Variants in PTPRD observed in about 807,000 individuals in gnomAD.
PTPRD encodes the protein protein tyrosine phosphatase receptor type D, also known as receptor-type tyrosine-protein phosphatase delta.
A neutral mutation model predicts 214.5 loss-of-function variants in PTPRD; 34 were observed. That is an observed-to-expected ratio of 0.16 (90% confidence interval 0.12 to 0.21). PTPRD has a LOEUF of 0.21. PTPRD is among the 10% of genes least tolerant of loss of function. PTPRD has a pLI of 1.00. For missense variants in PTPRD, 2,545 were observed against 2,398.7 expected (o/e 1.06, Z -1.27); for synonymous variants, 1,128 against 845.7 (o/e 1.33, Z -5.79).
intron 5 of PTPRD, among the ~76,000 whole-genome samples, chr9:9,880,242 G>A (rs2153735452): frequency 6.6e-6 from 1 of 152,210 alleles, no homozygotes; most frequent in African/African-American, 2.4e-5. Flanking sequence ...TAAGTTTCCT[G>A]AGGCCTCCTC....
intron 9 of PTPRD, among the ~76,000 whole-genome samples, chr9:9,354,114 C>A (rs757067858): frequency 2.0e-4 from 31 of 151,730 alleles, no homozygotes; most frequent in Non-Finnish European, 4.0e-4. Flanking sequence ...AATCCCCCCA[C>A]ACTTCAACTC....
At chr9:9,450,226 C>G (rs549509582) in intron 8 of PTPRD, among the ~76,000 whole-genome samples, 1 of 151,730 alleles carries the variant, frequency 6.6e-6, no homozygotes, top group African/African-American at 2.4e-5. Context: ...TGCTATAAAC[C>G]TGCATGTGCA....
chr9:8,905,004 C>T (rs909222665), intron 11 of PTPRD, among the ~76,000 whole-genome samples: 2 of 151,876 alleles, frequency 1.3e-5, no homozygotes, highest in East Asian at 3.9e-4. Flanking sequence ...GAAAATAAGG[C>T]CAGAGTTAGA....
Position 8,317,605 on chromosome 9 carries a change from T to C in PTPRD, c.*269A>G, listed in dbSNP as rs148195513. 192 of 330,722 alleles carry C rather than the reference T, an allele frequency of 5.8e-4. 1 individual carries two copies. The highest frequency in any genetic ancestry group is 3.7e-3 in the African/African-American group (180 of 49,144). 20.5% of individuals were successfully genotyped at this position (330,722 alleles called of 1,614,324 possible). On this transcript the variant is annotated 3_prime_UTR_variant, in exon 46 of 46. Transcript: ENST00000381196. ...GCTGTGATTTCTTCTTCCCTTGATT[T>C]TGAATCCTTGAGGTATCTGTAAATA...
At chr9:8,345,316 C>T (rs1267131410) in intron 39 of PTPRD, among the ~76,000 whole-genome samples, 1 of 152,074 alleles carries the variant, frequency 6.6e-6, no homozygotes, top group Non-Finnish European at 1.5e-5. Flanking sequence ...ACCTGGATAG[C>T]AGAGAAGACT....
chr9:8,405,208 A>G (rs2092843765), intron 35 of PTPRD, among the ~76,000 whole-genome samples: 1 of 152,194 alleles, frequency 6.6e-6, no homozygotes. Flanking sequence ...TTACAAGGCA[A>G]ATTGTACAAT....
At chr9:10,218,360 G>A (rs1330837989) in intron 3 of PTPRD, among the ~76,000 whole-genome samples, 1 of 151,846 alleles carries the variant, frequency 6.6e-6, no homozygotes, top group African/African-American at 2.4e-5. Context: ...GAAAGAAATT[G>A]TTCAGTTACC....
rs1400390057 is a variant in PTPRD at position 8,909,780 on chromosome 9, TAGAGATAGAGATAGACAGAGATAGAGAC to T, written c.-104+108889_-104+108916del. 2.9e-5 allele frequency among the ~76,000 whole-genome samples: 4 copies of T among 137,770 alleles called. No homozygotes were observed. In the East Asian group the frequency reaches 6.4e-4, roughly 22 times the overall value. 90.4% of individuals were successfully genotyped at this position (137,770 alleles called of 152,430 possible). A position where few individuals can be genotyped will look rare whatever the true frequency, so the allele number is the denominator to read the frequency against. On this transcript the variant is annotated intron_variant, in intron 11 of 45. Transcript: ENST00000381196. The stretch of plus-strand genomic sequence containing the variant: ...ATAGAGATAGAGACAGAGATAGAGA[TAGAGATAGAGATAGACAGAGATAGAGAC>T]AGAGATAGAGATAGGGATGGGAACA...
At chr9:10,054,319 C>T (rs1453029860) in intron 3 of PTPRD, among the ~76,000 whole-genome samples, 2 of 152,032 alleles carry the variant, frequency 1.3e-5, no homozygotes, top group Non-Finnish European at 2.9e-5. Flanking sequence ...AAATTTTATG[C>T]GTCTCTCATT....
chr9:9,704,359 C>T (rs1035733921), intron 7 of PTPRD, among the ~76,000 whole-genome samples: 5 of 152,082 alleles, frequency 3.3e-5, no homozygotes, highest in East Asian at 3.9e-4. Flanking sequence ...TATATCCACT[C>T]GACATATTAT....
intron 2 of PTPRD, among the ~76,000 whole-genome samples, chr9:10,390,063 T>C (rs2098024744): frequency 6.6e-6 from 1 of 151,664 alleles, no homozygotes; most frequent in South Asian, 2.1e-4. Context: ...TTGCAATTAA[T>C]TTTTTGATAA....
intron 14 of PTPRD, among the ~76,000 whole-genome samples, chr9:8,546,790 C>T (rs567985480): frequency 3.3e-5 from 5 of 152,246 alleles, no homozygotes; most frequent in East Asian, 3.9e-4. Context: ...CGTGAGCCAC[C>T]GCACCTGGCC....
At chr9:9,690,049 T>C (rs1471146226) in intron 7 of PTPRD, among the ~76,000 whole-genome samples, 1 of 151,876 alleles carries the variant, frequency 6.6e-6, no homozygotes, top group East Asian at 1.9e-4. Context: ...TATTTGTAGA[T>C]ATTTGAGGAC....
intron 37 of PTPRD, among the ~76,000 whole-genome samples, chr9:8,382,662 AC>A (rs1467518223): frequency 6.6e-6 from 1 of 152,070 alleles, no homozygotes; most frequent in Non-Finnish European, 1.5e-5. Flanking sequence ...CTAGATAAGG[AC>A]CCCAACATCC....
chr9:9,666,609 A>G (rs2096727092), intron 7 of PTPRD, among the ~76,000 whole-genome samples: 1 of 152,002 alleles, frequency 6.6e-6, no homozygotes, highest in African/African-American at 2.4e-5. Flanking sequence ...CATATTTAAT[A>G]AGTTGGCAAA....
At chr9:10,465,588 T>C (rs1410388707) in intron 2 of PTPRD, among the ~76,000 whole-genome samples, 1 of 152,158 alleles carries the variant, frequency 6.6e-6, no homozygotes, top group Non-Finnish European at 1.5e-5. Flanking sequence ...ATTGTAGCCA[T>C]TGTAACTTCA....
chr9:10,557,136 G>C (rs2062789792), intron 2 of PTPRD, among the ~76,000 whole-genome samples: 2 of 152,004 alleles, frequency 1.3e-5, no homozygotes, highest in Admixed American at 1.3e-4. Context: ...ATGCAACCCA[G>C]TCAAATTAGT....
chr9:8,789,825 A>C (rs1322726924), intron 11 of PTPRD, among the ~76,000 whole-genome samples: 4 of 152,232 alleles, frequency 2.6e-5, no homozygotes, highest in Non-Finnish European at 4.4e-5. Context: ...TGAAGACTTA[A>C]ATGTGAAAAT....
At chr9:10,251,649 G>A (rs1039246855) in intron 3 of PTPRD, among the ~76,000 whole-genome samples, 1 of 152,116 alleles carries the variant, frequency 6.6e-6, no homozygotes, top group Non-Finnish European at 1.5e-5. Flanking sequence ...ATAAAAGTTA[G>A]CTAATATTAC....
Sources: allele counts gnomAD v4.1 joint callset (sites outside exome capture counted in the v4.1 genomes callset), GRCh38; gene constraint gnomAD v4.1.1; transcripts MANE v1.5; gene names NCBI Gene and HGNC (gene_info 2026-07-23, HGNC 2026-07-21).